Variants in PRKCA observed in about 807,000 individuals in gnomAD.
The protein encoded by PRKCA is protein kinase C alpha type.
Under a neutral mutation model 87.0 loss-of-function variants are expected in PRKCA, and 27 were observed. The ratio of observed to expected loss-of-function variants is 0.31; its 90% CI spans 0.23 to 0.43. The LOEUF (loss-of-function observed/expected upper bound fraction) is 0.43, where lower values mean the gene tolerates loss of function less well. Among genes scored for constraint, PRKCA ranks in the 20% least tolerant of loss-of-function variants. PRKCA has a pLI of 1.00. For missense variants in PRKCA, 518 were observed against 852.3 expected (o/e 0.61, Z 4.88); for synonymous variants, 329 against 311.1 (o/e 1.06, Z -0.61).
At chr17:66,573,504 C>T (rs1362000128) in intron 3 of PRKCA, among the ~76,000 whole-genome samples, 4 of 152,102 alleles carry the variant, frequency 2.6e-5, no homozygotes, top group East Asian at 1.9e-4. Flanking sequence ...CTTTTTTATC[C>T]TCAGTTGGAA....
chr17:66,305,142 A>G (rs1189910197), intron 1 of PRKCA, among the ~76,000 whole-genome samples: 2 of 151,494 alleles, frequency 1.3e-5, no homozygotes, highest in Non-Finnish European at 3.0e-5. Flanking sequence ...GTCCCAGGAA[A>G]CCATCCACGG....
chr17:66,472,038 T>C (rs1230519348), intron 2 of PRKCA, among the ~76,000 whole-genome samples: 8 of 152,368 alleles, frequency 5.3e-5, no homozygotes, highest in Non-Finnish European at 1.2e-4. Context: ...CATAGATCAC[T>C]GCAGCCTGGA....
chr17:66,534,615 C>T (rs1356939022), intron 3 of PRKCA, among the ~76,000 whole-genome samples: 4 of 151,960 alleles, frequency 2.6e-5, no homozygotes, highest in Non-Finnish European at 2.9e-5. Flanking sequence ...TGCAGTGAGC[C>T]GAGATCACGC....
chr17:66,664,647 G>GT (rs398031366), intron 5 of PRKCA, among the ~76,000 whole-genome samples: 1,405 of 67,828 alleles, frequency 0.021, 134 homozygotes, highest in Middle Eastern at 0.026. Flanking sequence ...TTTTGCTTTG[G>GT]TTTTTTTTTT....
At chr17:66,731,697 A>G (rs1973898372) in intron 8 of PRKCA, among the ~76,000 whole-genome samples, 1 of 151,630 alleles carries the variant, frequency 6.6e-6, no homozygotes, top group Admixed American at 6.6e-5. Context: ...TAGAGCTTCT[A>G]AAAACTCCTC....
chr17:66,707,400 G>A (rs1450484794), intron 8 of PRKCA, among the ~76,000 whole-genome samples: 1 of 152,106 alleles, frequency 6.6e-6, no homozygotes, highest in Admixed American at 6.5e-5. Flanking sequence ...CCCTTCACCT[G>A]CACTTTTTTG....
chr17:66,615,331 G>C (rs1035350748), intron 3 of PRKCA, among the ~76,000 whole-genome samples: 2 of 152,134 alleles, frequency 1.3e-5, no homozygotes, highest in South Asian at 2.1e-4. Context: ...AGGAGGGAGG[G>C]GAGTGGATGT....
At chr17:66,446,368 G>T (rs1488274695) in intron 2 of PRKCA, among the ~76,000 whole-genome samples, 1 of 152,128 alleles carries the variant, frequency 6.6e-6, no homozygotes, top group East Asian at 1.9e-4. Flanking sequence ...TTAAGGTGCA[G>T]CACCCCCATT....
At chr17:66,789,032 G>C (rs1234151275) in intron 16 of PRKCA, 53 bp downstream of exon 16, 1 of 1,607,814 alleles carries the variant, frequency 6.2e-7, no homozygotes, top group Non-Finnish European at 8.5e-7. Flanking sequence ...CAAATTCTGG[G>C]AGTATCCCAC....
intron 14 of PRKCA, among the ~76,000 whole-genome samples, chr17:66,776,502 G>A (rs1975052666): frequency 6.6e-6 from 1 of 152,074 alleles, no homozygotes; most frequent in African/African-American, 2.4e-5. Context: ...TAAAGACGGG[G>A]TTTCACCATC....
intron 3 of PRKCA, among the ~76,000 whole-genome samples, chr17:66,515,855 GTTTTTGT>G (rs1308180747): frequency 1.3e-5 from 2 of 152,024 alleles, no homozygotes; most frequent in Non-Finnish European, 2.9e-5. Context: ...ATGAGTTTTT[GTTTTTGT>G]TTTTTGTTTT....
intron 1 of PRKCA, among the ~76,000 whole-genome samples, chr17:66,304,957 G>A (rs1904726086): frequency 6.6e-6 from 1 of 152,158 alleles, no homozygotes; most frequent in South Asian, 2.1e-4. Context: ...GTTAGAAAGG[G>A]ACTTGCAGCA....
At chr17:66,543,456 A>C (rs944512890) in intron 3 of PRKCA, among the ~76,000 whole-genome samples, 1 of 152,210 alleles carries the variant, frequency 6.6e-6, no homozygotes, top group Non-Finnish European at 1.5e-5. Context: ...ATTTGAGACT[A>C]ATGAAATGAA....
chr17:66,516,136 A>G (rs1416468808), intron 3 of PRKCA, among the ~76,000 whole-genome samples: 6 of 152,224 alleles, frequency 3.9e-5, no homozygotes, highest in Non-Finnish European at 5.9e-5. Context: ...GCCTGTAGAA[A>G]CGGCAGAGCA....
intron 5 of PRKCA, among the ~76,000 whole-genome samples, chr17:66,654,421 C>CAG (rs34737326): frequency 0.42 from 63,089 of 151,612 alleles, 13,165 homozygotes; most frequent in Middle Eastern, 0.47. Flanking sequence ...ATCATCATCA[C>CAG]CAGCAGCAGC....
At chr17:66,475,440 G>A (rs1403710582) in intron 2 of PRKCA, among the ~76,000 whole-genome samples, 2 of 152,136 alleles carry the variant, frequency 1.3e-5, no homozygotes, top group Admixed American at 6.5e-5. Context: ...GGGGATTTTC[G>A]AATGATCCTT....
intron 2 of PRKCA, among the ~76,000 whole-genome samples, chr17:66,375,583 G>C (rs1196209905): frequency 6.6e-6 from 1 of 152,182 alleles, no homozygotes; most frequent in African/African-American, 2.4e-5. Context: ...AATGTTCTGT[G>C]TAAGCCCCAG....
At chr17:66,695,174 G>A (rs1314539473) in intron 8 of PRKCA, among the ~76,000 whole-genome samples, 8 of 152,020 alleles carry the variant, frequency 5.3e-5, no homozygotes, top group Admixed American at 5.2e-4. Context: ...TGTTTACTCT[G>A]TCCAAGACCT....
intron 3 of PRKCA, among the ~76,000 whole-genome samples, chr17:66,512,237 T>C (rs1917264108): frequency 6.6e-6 from 1 of 152,076 alleles, no homozygotes; most frequent in African/African-American, 2.4e-5. Context: ...ATAAAAAATA[T>C]GTATACCCAG....
Sources: gnomAD v4.1 joint callset for allele counts (sites outside exome capture counted in the v4.1 genomes callset) on GRCh38, gnomAD v4.1.1 for gene constraint, MANE v1.5 for transcripts, NCBI Gene and HGNC (gene_info 2026-07-23, HGNC 2026-07-21) for gene names.